The following MGST1 variants were observed in gnomAD, a reference collection of about 807,000 sequenced individuals.
The protein encoded by MGST1 is microsomal glutathione S-transferase 1.
Under a neutral mutation model 8.9 loss-of-function variants are expected in MGST1, and 5 were observed. That is an observed-to-expected ratio of 0.56 (90% CI 0.29 to 1.19). The LOEUF (loss-of-function observed/expected upper bound fraction) is 1.19, where lower values mean the gene tolerates loss of function less well. MGST1 is among the 50% of genes most tolerant of loss of function. The pLI is 0.08. For synonymous variants in MGST1, 54 were observed against 67.8 expected (o/e 0.80, Z 1.00); for missense variants, 182 against 187.4 (o/e 0.97, Z 0.17).
intron 4 of MGST1, among the ~76,000 whole-genome samples, chr12:16,575,779 T>A (rs896904774): frequency 6.6e-6 from 1 of 150,926 alleles, no homozygotes; most frequent in African/African-American, 2.4e-5. Flanking sequence ...TCACTTTTCA[T>A]GTCCTGACCT....
At chr12:16,402,684 T>C (rs1474303860) in intron 1 of MGST1, among the ~76,000 whole-genome samples, 3 of 152,120 alleles carry the variant, frequency 2.0e-5, no homozygotes, top group Non-Finnish European at 2.9e-5. Flanking sequence ...CAATAGATTC[T>C]TTTGTTTTTC....
At chr12:16,399,580 A>T in intron 1 of MGST1, 3 of 1,603,246 alleles carry the variant, frequency 1.9e-6, no homozygotes, top group Non-Finnish European at 2.6e-6. Context: ...TCATCTTCTG[A>T]AGGATTAAAA....
intron 4 of MGST1, among the ~76,000 whole-genome samples, chr12:16,498,978 A>G (rs976827300): frequency 6.6e-6 from 1 of 152,196 alleles, no homozygotes; most frequent in African/African-American, 2.4e-5. Context: ...AAAAATGATC[A>G]GAGTTGCAAT....
intron 1 of MGST1, among the ~76,000 whole-genome samples, chr12:16,396,385 A>T (rs1940605253): frequency 6.6e-6 from 1 of 152,204 alleles, no homozygotes; most frequent in African/African-American, 2.4e-5. Flanking sequence ...CAAGTCAAAG[A>T]TGCCCACTCT....
chr12:16,400,096 G>A lies in MGST1; in HGVS notation n.778+16492G>A. ...TTTCTCCATGAAATTCTAAAAGGCT[G>A]TTTTCAGTTTGTGCCTCATTTCTCG... is the stretch of plus-strand genomic sequence containing the variant. On this transcript the variant is annotated intron_variant and non_coding_transcript_variant, in intron 1 of 1. Coordinates refer to the MGST1 transcript ENST00000359720. The A allele has an allele frequency of 1.9e-6, 3 of 1,568,408 alleles. No homozygotes were observed. In the South Asian group the frequency reaches 3.3e-5, roughly 17 times the overall value.
intron 4 of MGST1, among the ~76,000 whole-genome samples, chr12:16,449,938 A>T (rs1192798571): frequency 6.6e-6 from 1 of 151,910 alleles, no homozygotes; most frequent in Non-Finnish European, 1.5e-5. Context: ...GGGTAATGAA[A>T]CTTGGAAAAC....
intron 4 of MGST1, among the ~76,000 whole-genome samples, chr12:16,562,292 C>T (rs1036031559): frequency 6.6e-5 from 10 of 152,080 alleles, no homozygotes; most frequent in Non-Finnish European, 1.2e-4. Flanking sequence ...ATTGTTTCTT[C>T]TGTTCTTTAT....
At chr12:16,430,023 T>C (rs1480299181) in intron 1 of MGST1, among the ~76,000 whole-genome samples, 1 of 152,228 alleles carries the variant, frequency 6.6e-6, no homozygotes, top group Non-Finnish European at 1.5e-5. Context: ...ACAAAGTTCA[T>C]GTAATATTCT....
chr12:16,501,809 A>G (rs1306415789), intron 4 of MGST1, among the ~76,000 whole-genome samples: 1 of 152,198 alleles, frequency 6.6e-6, no homozygotes, highest in African/African-American at 2.4e-5. Flanking sequence ...ATGCTATTAA[A>G]GAATTACTGG....
At chr12:16,442,981 A>G (rs927268014), downstream of MGST1, among the ~76,000 whole-genome samples, 1 of 151,834 alleles carries the variant, frequency 6.6e-6, no homozygotes, top group Non-Finnish European at 1.5e-5. The surrounding 1 kb of genome is among the most constrained non-coding windows in gnomAD (Gnocchi z 4.5). Flanking sequence ...TCCAATTGTA[A>G]CTGCATATAT....
intron 4 of MGST1, among the ~76,000 whole-genome samples, chr12:16,541,444 A>G (rs1042126071): frequency 2.0e-5 from 3 of 152,180 alleles, no homozygotes; most frequent in Non-Finnish European, 4.4e-5. Flanking sequence ...TGTAGTTCTA[A>G]CTAATTACTT....
At chr12:16,380,889 A>T (rs527526613), downstream of MGST1, among the ~76,000 whole-genome samples, 1 of 152,216 alleles carries the variant, frequency 6.6e-6, no homozygotes, top group South Asian at 2.1e-4. Flanking sequence ...TCCCTTTACC[A>T]TTATGTAGTG....
upstream of MGST1, among the ~76,000 whole-genome samples, chr12:16,347,411 T>C (rs1939250506): frequency 1.3e-5 from 2 of 152,230 alleles, no homozygotes; most frequent in Admixed American, 6.5e-5. The surrounding 1 kb of genome is among the most constrained non-coding windows in gnomAD (Gnocchi z 4.0). Context: ...CAATGGCTAC[T>C]GTCCCCCTTC....
intron 4 of MGST1, among the ~76,000 whole-genome samples, chr12:16,567,837 A>G (rs1176069857): frequency 6.6e-6 from 1 of 152,026 alleles, no homozygotes; most frequent in African/African-American, 2.4e-5. Context: ...ATCAGACAGA[A>G]CACCACCAGG....
chr12:16,539,044 T>C (rs1941776721), intron 4 of MGST1, among the ~76,000 whole-genome samples: 1 of 152,190 alleles, frequency 6.6e-6, no homozygotes, highest in Non-Finnish European at 1.5e-5. Context: ...CCCCCATGAT[T>C]CAAATTATCT....
chr12:16,394,532 TTCTTTCTTTCTTTCTTTCTTTC>T lies in MGST1; in HGVS notation n.778+10930_778+10951del, dbSNP rs1325629437. On this transcript the variant is annotated intron_variant and non_coding_transcript_variant, in intron 1 of 1. Coordinates refer to the MGST1 transcript ENST00000359720. Reference sequence around the variant, plus strand: ...TCTCTCCCTTTCTTTCTTTCTTTCTTTCTTTCTTTCTTTCTTTCTTTCTTTCTTTCTTTCTTTCTTTCTTCTC... The same window carrying T: ...TCTCTCCCTTTCTTTCTTTCTTTCTTTTTCTTTCTTTCTTTCTTTCTTCTC... Among the ~76,000 whole-genome samples, 32 of 71,130 alleles carry T rather than the reference TTCTTTCTTTCTTTCTTTCTTTC, an allele frequency of 4.5e-4. 1 individual carries two copies. The highest frequency in any genetic ancestry group is 2.7e-3 in the East Asian group (6 of 2,258). The allele number at this position is 71,130 out of a possible 152,430, so 46.7% of individuals were successfully genotyped here.
downstream of MGST1, among the ~76,000 whole-genome samples, chr12:16,365,143 A>G (rs1443895861): frequency 2.0e-5 from 3 of 152,104 alleles, no homozygotes; most frequent in African/African-American, 7.2e-5. Flanking sequence ...TTTTATAATC[A>G]TATGTGGGGT....
At position 16,560,386 on chromosome 12, in the gene MGST1, T is replaced by A; in HGVS notation, n.483-29142T>A. Reference sequence around the variant, plus strand: ...CCAGCACAGAGAGGTTAACCATTTCTTAGAGACCAAAAAGAGACCTGCTTA... The same window carrying A: ...CCAGCACAGAGAGGTTAACCATTTCATAGAGACCAAAAAGAGACCTGCTTA... On this transcript the variant is annotated intron_variant and non_coding_transcript_variant, in intron 4 of 4. Coordinates refer to the MGST1 transcript ENST00000538857. This position sits in a 1 kb window ranked among gnomAD's most constrained non-coding sequence, Gnocchi z 5.0. The A allele has an allele frequency of 6.2e-7, 1 of 1,606,492 alleles. No homozygotes were observed. Among genetic ancestry groups the A allele is most frequent in the African/African-American group, 1.3e-5 (1 of 74,620 alleles).
In MGST1 at chr12:16,401,130, GA is replaced by G; in HGVS notation, n.778+17530del. On this transcript the variant is annotated intron_variant and non_coding_transcript_variant, in intron 1 of 1. Transcript: ENST00000359720. This position sits in a 1 kb window ranked among gnomAD's most constrained non-coding sequence, Gnocchi z 4.3. ...CCTTTTCCTCATCTTCGTTCCTTAG[GA>G]AAATACCCACATTCTTCACTTTCTT... 6.4e-7 allele frequency: 1 copy of G among 1,572,758 alleles called. No individual in the cohort carries two copies. The highest frequency in any genetic ancestry group is 1.1e-5 in the South Asian group (1 of 90,240).
Sources: allele counts gnomAD v4.1 joint callset (sites outside exome capture counted in the v4.1 genomes callset), GRCh38; gene constraint gnomAD v4.1.1; non-coding constraint Gnocchi (gnomAD v3.1); transcripts MANE v1.5; gene names NCBI Gene and HGNC (gene_info 2026-07-23, HGNC 2026-07-21).